The following GUCY2F variants were observed in gnomAD, a reference collection of about 807,000 sequenced individuals.
GUCY2F encodes guanylate cyclase 2F, retinal, also known as retinal guanylyl cyclase 2.
A neutral mutation model predicts 73.1 loss-of-function variants in GUCY2F; 61 were observed. The ratio of observed to expected loss-of-function variants is 0.83; its 90% confidence interval spans 0.68 to 1.03. GUCY2F has a LOEUF of 1.03. Ranked by LOEUF, GUCY2F falls within the 50% of genes least tolerant of loss-of-function variation. The pLI, the probability that GUCY2F is intolerant of heterozygous loss-of-function variation, is 0.00. For synonymous variants in GUCY2F, 331 were observed against 307.8 expected, an observed-to-expected ratio of 1.08 and a Z score of -0.79; for missense variants, 912 against 854.3, an observed-to-expected ratio of 1.07 and a Z score of -0.84.
chrX:109,422,388 C>T (rs996933014), intron 8 of GUCY2F, among the ~76,000 whole-genome samples: 1 of 111,361 alleles, frequency 9.0e-6, no homozygotes, highest in Non-Finnish European at 1.9e-5. Flanking sequence ...TTACCAGGAA[C>T]TTCAAGAAGA....
chrX:109,416,215 A>C (rs749463191), intron 8 of GUCY2F, among the ~76,000 whole-genome samples: 1 of 111,480 alleles, frequency 9.0e-6, no homozygotes, highest in African/African-American at 3.2e-5. Flanking sequence ...AAAAAGGTCA[A>C]TAGAAATTCA....
chrX:109,392,428 G>T (rs183604917), intron 13 of GUCY2F, among the ~76,000 whole-genome samples: 2 of 111,226 alleles, frequency 1.8e-5, no homozygotes, highest in East Asian at 5.7e-4. Context: ...CCTTTCATGA[G>T]GCTAGTTTCC....
chrX:109,413,448 AG>A (rs1931161032), intron 8 of GUCY2F, among the ~76,000 whole-genome samples: 1 of 109,432 alleles, frequency 9.1e-6, no homozygotes, highest in African/African-American at 3.3e-5. Context: ...TCTGTCACCT[AG>A]GTTGGAGTGC....
Position 109,376,166 on chromosome X carries a change from C to T in GUCY2F, c.3152G>A (p.Gly1051Asp), listed in dbSNP as rs148378451. The T allele has an allele frequency of 6.8e-5, 79 of 1,162,127 alleles. No individual in the cohort carries two copies. In the African/African-American group the frequency reaches 1.3e-3, roughly 19 times the overall value. Residue 1051 changes from glycine to aspartate, a missense_variant and splice_region_variant, in exon 18 of 20, where the codon GGC becomes GAC. Transcript: ENST00000218006. ...CCAGAAGGTTTCCTCTGTGCCTTTG[C>T]CCTTATTATAGAAAACATAAAAAAT... ...VELRGRTELKGKGTEETFWLI... is the reference protein window; with the variant it reads ...VELRGRTELKDKGTEETFWLI...
At chrX:109,398,504 C>A (rs370831935) in intron 11 of GUCY2F, 45 bp downstream of exon 11, 1 of 1,143,539 alleles carries the variant, frequency 8.7e-7, no homozygotes, top group Non-Finnish European at 1.2e-6. Flanking sequence ...CTGATGATCT[C>A]GGTCATGGTG....
At chrX:109,420,231 AAAG>A (rs1252174852) in intron 8 of GUCY2F, among the ~76,000 whole-genome samples, 6 of 105,070 alleles carry the variant, frequency 5.7e-5, no homozygotes, top group East Asian at 2.9e-4. Context: ...AAAAAAAAAA[AAAG>A]AAGAAGAAGA....
chrX:109,386,317 C>T (rs1930435051), intron 15 of GUCY2F, among the ~76,000 whole-genome samples: 1 of 111,276 alleles, frequency 9.0e-6, no homozygotes, highest in African/African-American at 3.3e-5. Context: ...CTTATTAGGA[C>T]CTGACTCAAT....
intron 17 of GUCY2F, 30 bp downstream of exon 17, chrX:109,382,088 T>C: frequency 2.4e-6 from 2 of 848,808 alleles, no homozygotes; most frequent in South Asian, 4.1e-5. Flanking sequence ...ATCCAAGTAG[T>C]CTGGCTCAAA....
chrX:109,474,355 A>T (rs1038444820), intron 2 of GUCY2F, among the ~76,000 whole-genome samples: 3 of 111,369 alleles, frequency 2.7e-5, no homozygotes, highest in Non-Finnish European at 5.7e-5. Flanking sequence ...AATGGAGGTT[A>T]AAAAATTGGA....
intron 2 of GUCY2F, among the ~76,000 whole-genome samples, chrX:109,469,763 T>A (rs2147283310): frequency 9.0e-6 from 1 of 111,275 alleles, no homozygotes; most frequent in Non-Finnish European, 1.9e-5. Flanking sequence ...TCCCTCTCAG[T>A]TTTCTCCCAC....
intron 2 of GUCY2F, among the ~76,000 whole-genome samples, chrX:109,472,280 A>C (rs1424679227): frequency 9.1e-6 from 1 of 109,939 alleles, no homozygotes; most frequent in Non-Finnish European, 1.9e-5. Context: ...AAAAAAAAAA[A>C]AAACCTCCCA....
At chrX:109,406,700 A>G (rs1930979432) in intron 9 of GUCY2F, among the ~76,000 whole-genome samples, 1 of 110,795 alleles carries the variant, frequency 9.0e-6, no homozygotes, top group Admixed American at 9.5e-5. Flanking sequence ...ACCCAGGGGG[A>G]TGTAATTGAA....
chrX:109,373,233 T>C (rs1311589951), intron 19 of GUCY2F, among the ~76,000 whole-genome samples: 1 of 112,375 alleles, frequency 8.9e-6, no homozygotes, highest in Non-Finnish European at 1.9e-5. Flanking sequence ...AAAGAGAGCA[T>C]GTTAATATAC....
At chrX:109,451,838 T>C (rs184114410) in intron 5 of GUCY2F, among the ~76,000 whole-genome samples, 185 bp downstream of exon 5, 1 of 111,497 alleles carries the variant, frequency 9.0e-6, no homozygotes, top group Non-Finnish European at 1.9e-5. Flanking sequence ...GAAGTTATTC[T>C]TGGCATCATG....
intron 8 of GUCY2F, among the ~76,000 whole-genome samples, chrX:109,409,924 C>T (rs916115028): frequency 9.0e-6 from 1 of 111,054 alleles, no homozygotes; most frequent in Non-Finnish European, 1.9e-5. Flanking sequence ...AGCATGATAA[C>T]GGACTAATAC....
intron 2 of GUCY2F, 47 bp downstream of exon 2, chrX:109,475,160 T>G (rs778579249): frequency 8.7e-7 from 1 of 1,148,297 alleles, no homozygotes; most frequent in South Asian, 2.0e-5. Context: ...GATTGTAATC[T>G]CTTTCCCTGA....
chrX:109,468,383 T>C (rs766032165), intron 2 of GUCY2F, among the ~76,000 whole-genome samples: 12 of 112,206 alleles, frequency 1.1e-4, no homozygotes, highest in Non-Finnish European at 2.3e-4. Flanking sequence ...GTTGTTTAGA[T>C]GAATGTTTGT....
chrX:109,461,795 C>A (rs1235881865), intron 3 of GUCY2F, among the ~76,000 whole-genome samples: 1 of 112,165 alleles, frequency 8.9e-6, no homozygotes, highest in African/African-American at 3.2e-5. Context: ...CTCTAACATA[C>A]CATTGCTAGA....
chrX:109,442,351 C>A (rs940281598), intron 6 of GUCY2F, among the ~76,000 whole-genome samples: 7 of 111,256 alleles, frequency 6.3e-5, no homozygotes, highest in African/African-American at 1.3e-4. Context: ...TAGCCGTTAC[C>A]TTTTGGTATT....
Sources: gnomAD v4.1 joint callset for allele counts (sites outside exome capture counted in the v4.1 genomes callset) on GRCh38, gnomAD v4.1.1 for gene constraint, MANE v1.5 for transcripts, NCBI Gene and HGNC (gene_info 2026-07-23, HGNC 2026-07-21) for gene names.